Variants in AIG1 observed in about 807,000 individuals in gnomAD.
AIG1 encodes the protein androgen-induced gene 1 protein.
Under a neutral mutation model 31.4 loss-of-function variants are expected in AIG1, and 23 were observed. That is an observed-to-expected ratio of 0.73 (90% CI 0.53 to 1.04). The LOEUF (loss-of-function observed/expected upper bound fraction) is 1.04, where lower values mean the gene tolerates loss of function less well. Among genes scored for constraint, AIG1 ranks in the 50% least tolerant of loss-of-function variants. The pLI is 0.00. For synonymous variants in AIG1, 100 were observed against 110.5 expected (o/e 0.90, Z 0.60); for missense variants, 274 against 295.0 (o/e 0.93, Z 0.52).
chr6:143,243,986 A>T (rs528795729), intron 3 of AIG1, among the ~76,000 whole-genome samples: 1 of 152,332 alleles, frequency 6.6e-6, no homozygotes, highest in East Asian at 1.9e-4. Context: ...TCAAGCCATG[A>T]CAGCTGGGTC....
chr6:143,224,555 C>T (rs2128626205), intron 3 of AIG1, among the ~76,000 whole-genome samples: 1 of 152,264 alleles, frequency 6.6e-6, no homozygotes, highest in African/African-American at 2.4e-5. Flanking sequence ...CAAACCAGAG[C>T]ATATTGACAG....
Position 143,190,022 on chromosome 6 carries a change from A to G in AIG1, c.399+24839A>G. The G allele has an allele frequency of 8.6e-6, 4 of 464,540 alleles. No individual in the cohort carries two copies. The South Asian group carries it at 3.7e-4, about 43-fold the overall frequency. 28.8% of individuals were successfully genotyped at this position (464,540 alleles called of 1,614,324 possible). ...TCCTCACATGGTGGAAGGAACAAGT[A>G]ATCTCTCTGGAGCCTCTTTTAAAAG... On this transcript the variant is annotated intron_variant, in intron 3 of 5. Coordinates refer to ENST00000357847, the MANE Select transcript of AIG1 (RefSeq NM_016108.4).
chr6:143,124,616 T>C (rs192295663), intron 1 of AIG1, among the ~76,000 whole-genome samples: 106 of 152,300 alleles, frequency 7.0e-4, no homozygotes, highest in Non-Finnish European at 1.4e-3. Context: ...CTCACACTGC[T>C]ATGAAGAAAT....
intron 1 of AIG1, among the ~76,000 whole-genome samples, chr6:143,069,361 C>T (rs1262855764): frequency 1.3e-5 from 2 of 152,070 alleles, no homozygotes; most frequent in Admixed American, 1.3e-4. Flanking sequence ...TTGACAGATG[C>T]ATAGTTTTGA....
Position 143,279,618 on chromosome 6 carries a change from T to C in AIG1, c.400-4492T>C, listed in dbSNP as rs1027588897. ...CCCCCTTGTGGATCTCTTCTGCAAA[T>C]AGACCTTTGTCACGGGAGGCTGGTC... On this transcript the variant is annotated intron_variant, in intron 3 of 5. Transcript: ENST00000357847. The surrounding 1 kb of genome is among the most constrained non-coding windows in gnomAD (Gnocchi z 5.4). 2.0e-5 allele frequency among the ~76,000 whole-genome samples: 3 copies of C among 152,174 alleles called. No individual in the cohort carries two copies. The highest frequency in any genetic ancestry group is 7.2e-5 in the African/African-American group (3 of 41,442).
chr6:143,116,233 G>A (rs922908123), intron 1 of AIG1, among the ~76,000 whole-genome samples: 2 of 152,140 alleles, frequency 1.3e-5, no homozygotes, highest in African/African-American at 4.8e-5. Context: ...GAATGTGGTG[G>A]GTAGTTCAGT....
At chr6:143,099,616 T>C (rs1029657498) in intron 1 of AIG1, 6 of 152,168 alleles carry the variant, frequency 3.9e-5, no homozygotes, top group Admixed American at 3.9e-4. Flanking sequence ...CTAAACAAAA[T>C]ATTGTGTTGG....
intron 3 of AIG1, among the ~76,000 whole-genome samples, chr6:143,235,229 C>T (rs941093461): frequency 6.6e-6 from 1 of 151,998 alleles, no homozygotes; most frequent in Non-Finnish European, 1.5e-5. Context: ...CAGGATTTTT[C>T]ATCAAATGAG....
At chr6:143,242,714 ACAGAT>A (rs1417024817) in intron 3 of AIG1, among the ~76,000 whole-genome samples, 2 of 152,254 alleles carry the variant, frequency 1.3e-5, no homozygotes, top group African/African-American at 4.8e-5. Flanking sequence ...GATGGCACCT[ACAGAT>A]AAACCTAAAT....
intron 3 of AIG1, among the ~76,000 whole-genome samples, chr6:143,210,229 T>C (rs1791478973): frequency 6.6e-6 from 1 of 152,222 alleles, no homozygotes; most frequent in Non-Finnish European, 1.5e-5. Context: ...TGATTGTAAG[T>C]TTATTTAGGC....
At chr6:143,343,106 G>C, downstream of AIG1, 1 of 769,096 alleles carries the variant, frequency 1.3e-6, no homozygotes, top group Non-Finnish European at 2.4e-6. Flanking sequence ...GCAGCTGTCC[G>C]CACTAAGATC....
chr6:143,189,574 GA>G (rs1379182220), intron 3 of AIG1: 1 of 985,202 alleles, frequency 1.0e-6, no homozygotes, highest in African/African-American at 1.7e-5. Flanking sequence ...AGTTTGCATG[GA>G]AAGTTCTGAC....
chr6:143,096,779 G>A (rs1031112998), intron 1 of AIG1, among the ~76,000 whole-genome samples: 1 of 152,168 alleles, frequency 6.6e-6, no homozygotes, highest in Non-Finnish European at 1.5e-5. Flanking sequence ...GATTTTAAAA[G>A]AAGGAATATC....
chr6:143,141,542 A>T (rs1438484392), intron 2 of AIG1, among the ~76,000 whole-genome samples: 1 of 152,202 alleles, frequency 6.6e-6, no homozygotes, highest in Non-Finnish European at 1.5e-5. Context: ...TTGGATGAAC[A>T]TGGCATGTAT....
chr6:143,287,646 A>G (rs1279297407), intron 4 of AIG1, among the ~76,000 whole-genome samples: 1 of 151,314 alleles, frequency 6.6e-6, no homozygotes, highest in African/African-American at 2.4e-5. Flanking sequence ...GCTTAATCAG[A>G]AGTAAAACAG....
intron 3 of AIG1, among the ~76,000 whole-genome samples, chr6:143,240,909 A>C (rs529959316): frequency 6.6e-6 from 1 of 152,230 alleles, no homozygotes; most frequent in African/African-American, 2.4e-5. Flanking sequence ...ATCTGACTTA[A>C]AGGACTTCCA....
At chr6:143,342,761 T>C, downstream of AIG1, 4 of 824,220 alleles carry the variant, frequency 4.9e-6, 1 homozygote, top group Non-Finnish European at 8.7e-6. Flanking sequence ...TCAGGTATCA[T>C]AGCTGCAAAC....
In AIG1 at chr6:143,297,998, A is replaced by G. The variant is rs112992985; in HGVS notation, c.515+13773A>G. ...TTACATAAATTAAAATGATGCATAA[A>G]TTTACAGGTAAAAATACAAATCATT... On this transcript the variant is annotated intron_variant, in intron 4 of 5. Coordinates refer to ENST00000357847, the MANE Select transcript of AIG1 (RefSeq NM_016108.4). This position sits in a 1 kb window ranked among gnomAD's most constrained non-coding sequence, Gnocchi z 5.1. Among the ~76,000 whole-genome samples, 9 of 152,250 alleles carry G rather than the reference A, an allele frequency of 5.9e-5. No homozygotes were observed. Among genetic ancestry groups the G allele is most frequent in the African/African-American group, 1.7e-4 (7 of 41,556 alleles).
At chr6:143,230,277 G>C (rs1156454214) in intron 3 of AIG1, among the ~76,000 whole-genome samples, 1 of 151,812 alleles carries the variant, frequency 6.6e-6, no homozygotes, top group Non-Finnish European at 1.5e-5. Flanking sequence ...ATTTTACTAT[G>C]TGTTAGTAAA....
Sources: allele counts gnomAD v4.1 joint callset (sites outside exome capture counted in the v4.1 genomes callset), GRCh38; gene constraint gnomAD v4.1.1; non-coding constraint Gnocchi (gnomAD v3.1); transcripts MANE v1.5; gene names NCBI Gene and HGNC (gene_info 2026-07-23, HGNC 2026-07-21).